The following SPP2 variants were observed in gnomAD, a reference collection of about 807,000 sequenced individuals.
The protein encoded by SPP2 is secreted phosphoprotein 2.
A neutral mutation model predicts 28.8 loss-of-function variants in SPP2; 34 were observed. The observed-to-expected ratio is 1.18, with a 90% confidence interval of 0.90 to 1.57. The LOEUF is 1.57. Ranked by LOEUF, SPP2 falls within the 40% of genes most tolerant of loss-of-function variation. The pLI is 0.00. For missense variants in SPP2, 269 were observed against 263.9 expected, an observed-to-expected ratio of 1.02 and a Z score of -0.13; for synonymous variants, 96 against 89.4, an observed-to-expected ratio of 1.07 and a Z score of -0.42.
At chr2:234,065,012 T>C (rs1359275959) in intron 4 of SPP2, among the ~76,000 whole-genome samples, 1 of 152,246 alleles carries the variant, frequency 6.6e-6, no homozygotes, top group Non-Finnish European at 1.5e-5. Context: ...GAAGCATTCA[T>C]GTGCAAGTTT....
At chr2:234,058,759 G>T in intron 2 of SPP2, 77 bp from the exon 3 acceptor site, 5 of 1,483,180 alleles carry the variant, frequency 3.4e-6, no homozygotes, top group Non-Finnish European at 4.5e-6. Context: ...TTTTCTTATG[G>T]GGTAGAGACA....
At chr2:234,052,849 A>AT (rs966341404) in intron 2 of SPP2, among the ~76,000 whole-genome samples, 1 of 151,922 alleles carries the variant, frequency 6.6e-6, no homozygotes, top group African/African-American at 2.4e-5. Context: ...TCCTGGTGAT[A>AT]TTTTTTTCTA....
At chr2:234,068,027 T>G (rs1693861879) in intron 6 of SPP2, among the ~76,000 whole-genome samples, 1 of 152,164 alleles carries the variant, frequency 6.6e-6, no homozygotes, top group South Asian at 2.1e-4. Context: ...TCTAATGATC[T>G]TCTTTTTGCC....
At chr2:234,053,623 C>G (rs1002893638) in intron 2 of SPP2, among the ~76,000 whole-genome samples, 2 of 152,040 alleles carry the variant, frequency 1.3e-5, no homozygotes, top group Non-Finnish European at 2.9e-5. Context: ...GTATTACCAA[C>G]AGACCTAGAT....
At position 234,073,918 on chromosome 2, in the gene SPP2, T is replaced by C. The variant is rs184973548; in HGVS notation, c.*11-2927T>C. 7.2e-5 allele frequency among the ~76,000 whole-genome samples: 11 copies of C among 152,356 alleles called. No individual in the cohort carries two copies. The East Asian group carries it at 2.1e-3, about 29-fold the overall frequency. On this transcript the variant is annotated intron_variant, in intron 7 of 7. Transcript: ENST00000168148. ...ATTTATTCAACAAATGTTCATTAAA[T>C]GCCCCTCTATGCCTGGCCTCTGTGC...
chr2:234,076,625 C>T (rs953659808), intron 7 of SPP2, among the ~76,000 whole-genome samples: 3 of 152,130 alleles, frequency 2.0e-5, no homozygotes, highest in African/African-American at 4.8e-5. Flanking sequence ...CACCCGCACA[C>T]GGTGGCAGCT....
At chr2:234,060,246 C>G (rs566173026) in intron 3 of SPP2, 123 bp from the exon 4 acceptor site, 1 of 661,434 alleles carries the variant, frequency 1.5e-6, no homozygotes, top group Admixed American at 2.7e-5. Flanking sequence ...AAATAAAATG[C>G]CTCTGTGAAG....
At chr2:234,057,287 C>T (rs1559172206) in intron 2 of SPP2, among the ~76,000 whole-genome samples, 1 of 152,086 alleles carries the variant, frequency 6.6e-6, no homozygotes, top group Admixed American at 6.5e-5. Context: ...ACCTGACACG[C>T]TCCATCTCTC....
intron 7 of SPP2, among the ~76,000 whole-genome samples, chr2:234,073,045 G>A (rs578260074): frequency 1.0e-3 from 153 of 152,034 alleles, no homozygotes; most frequent in African/African-American, 3.4e-3. Flanking sequence ...CCACCACCAC[G>A]CCCAGCTAAT....
At chr2:234,076,198 C>T (rs1195508217) in intron 7 of SPP2, among the ~76,000 whole-genome samples, 1 of 152,074 alleles carries the variant, frequency 6.6e-6, no homozygotes, top group Non-Finnish European at 1.5e-5. Flanking sequence ...ACAGTGTGCG[C>T]CCACTGTCCC....
intron 3 of SPP2, among the ~76,000 whole-genome samples, 160 bp from the exon 4 acceptor site, chr2:234,060,209 C>T (rs943947138): frequency 6.6e-6 from 1 of 152,310 alleles, no homozygotes; most frequent in South Asian, 2.1e-4. Flanking sequence ...GTTTCTGCTT[C>T]GGTCTTGAGG....
rs1693471966 is a variant in SPP2, at chr2:234,050,742, T to G, written c.-45T>G. ...CAGCTCCTCTTAGGAAGAACTGTCATCCCCAAACACATAGAGAGACACTCT... is the reference window on the plus strand; with the variant it reads ...CAGCTCCTCTTAGGAAGAACTGTCAGCCCCAAACACATAGAGAGACACTCT... On this transcript the variant is annotated 5_prime_UTR_variant, in exon 1 of 8. Coordinates refer to ENST00000168148, the MANE Select transcript of SPP2 (RefSeq NM_006944.3). 2 of 1,565,988 alleles carry G rather than the reference T, an allele frequency of 1.3e-6. No homozygotes were observed.
chr2:234,076,513 C>G (rs62184262), intron 7 of SPP2, among the ~76,000 whole-genome samples: 6 of 152,144 alleles, frequency 3.9e-5, no homozygotes, highest in Non-Finnish European at 7.4e-5. Flanking sequence ...CCTCATTGAT[C>G]TTTGTAACCC....
At chr2:234,053,620 C>A (rs1156790918) in intron 2 of SPP2, among the ~76,000 whole-genome samples, 1 of 151,802 alleles carries the variant, frequency 6.6e-6, no homozygotes, top group East Asian at 1.9e-4. Flanking sequence ...TGGGTATTAC[C>A]AACAGACCTA....
At chr2:234,062,266 C>T (rs1301424400) in intron 4 of SPP2, among the ~76,000 whole-genome samples, 2 of 152,174 alleles carry the variant, frequency 1.3e-5, no homozygotes, top group Non-Finnish European at 2.9e-5. Context: ...CCCCCAGGAA[C>T]TGACCTTCCA....
intron 3 of SPP2, among the ~76,000 whole-genome samples, chr2:234,059,717 A>G (rs1361574281): frequency 6.6e-6 from 1 of 152,326 alleles, no homozygotes; most frequent in East Asian, 1.9e-4. Flanking sequence ...GAAAGTGGAA[A>G]TCTTAGAGGG....
intron 4 of SPP2, among the ~76,000 whole-genome samples, chr2:234,063,575 A>G (rs772975377): frequency 6.6e-6 from 1 of 152,250 alleles, no homozygotes; most frequent in African/African-American, 2.4e-5. Flanking sequence ...AGATAGGTGA[A>G]TTATCGGTAG....
intron 4 of SPP2, 143 bp downstream of exon 4, chr2:234,060,622 C>T (rs1693700315): frequency 1.1e-5 from 7 of 659,038 alleles, no homozygotes; most frequent in Admixed American, 2.9e-5. Flanking sequence ...GGGATTCTCT[C>T]TTGGACACCT....
At chr2:234,063,927 A>C (rs182161671) in intron 4 of SPP2, among the ~76,000 whole-genome samples, 1 of 152,176 alleles carries the variant, frequency 6.6e-6, no homozygotes, top group Non-Finnish European at 1.5e-5. Context: ...CATTTAATTT[A>C]TTTACTGCCT....
Sources: allele counts gnomAD v4.1 joint callset (sites outside exome capture counted in the v4.1 genomes callset), GRCh38; gene constraint gnomAD v4.1.1; transcripts MANE v1.5; gene names NCBI Gene and HGNC (gene_info 2026-07-23, HGNC 2026-07-21).